The following THSD7B variants were observed in gnomAD, a reference collection of about 807,000 sequenced individuals.
THSD7B encodes the protein thrombospondin type 1 domain containing 7B.
Under a neutral mutation model 213.6 loss-of-function variants are expected in THSD7B, and 138 were observed. That is an observed-to-expected ratio of 0.65 (90% CI 0.56 to 0.74). THSD7B has a LOEUF of 0.74. THSD7B is among the 30% of genes least tolerant of loss of function. The pLI, the probability that THSD7B is intolerant of heterozygous loss-of-function variation, is 0.00. For synonymous variants in THSD7B, 742 were observed against 687.0 expected (o/e 1.08, Z -1.25); for missense variants, 1,931 against 1,991.5 (o/e 0.97, Z 0.58).
chr2:137,349,415 A>G lies in THSD7B; in HGVS notation c.2501-56198A>G, dbSNP rs536665115. On this transcript the variant is annotated intron_variant, in intron 12 of 27. Transcript: ENST00000409968. ...AAACAGTACCCCAATGCTGTTTATA[A>G]GAATCATGTCTGGCATATGCAAAGT... Among the ~76,000 whole-genome samples, 88 of 151,970 alleles carry G rather than the reference A, an allele frequency of 5.8e-4. 1 individual carries two copies. Among genetic ancestry groups the G allele is most frequent in the African/African-American group, 2.0e-3 (84 of 41,526 alleles).
At chr2:137,571,120 A>T (rs77798968) in intron 16 of THSD7B, among the ~76,000 whole-genome samples, 1,856 of 152,262 alleles carry the variant, frequency 0.012, 49 homozygotes, top group African/African-American at 0.041. Flanking sequence ...CCTATCAGTC[A>T]CTAACCATTT....
At chr2:136,830,121 C>G (rs972117275) in intron 1 of THSD7B, among the ~76,000 whole-genome samples, 1 of 151,142 alleles carries the variant, frequency 6.6e-6, no homozygotes, top group Non-Finnish European at 1.5e-5. Context: ...TATGCCTGTG[C>G]GCGCACACAC....
chr2:137,312,569 T>G (rs1683945423), intron 12 of THSD7B, among the ~76,000 whole-genome samples: 1 of 151,780 alleles, frequency 6.6e-6, no homozygotes, highest in Non-Finnish European at 1.5e-5. Context: ...TGTTTGCCCT[T>G]GCTTTTCTAG....
chr2:136,803,982 G>A (rs937631807), intron 1 of THSD7B, among the ~76,000 whole-genome samples: 2 of 152,218 alleles, frequency 1.3e-5, no homozygotes, highest in South Asian at 2.1e-4. Flanking sequence ...ACTTTACTTA[G>A]TTCATCAATT....
intron 2 of THSD7B, among the ~76,000 whole-genome samples, chr2:136,955,620 G>A (rs538499933): frequency 2.0e-4 from 31 of 152,176 alleles, no homozygotes; most frequent in South Asian, 1.2e-3. Flanking sequence ...ATTTTAATCC[G>A]ATCTCTCAGA....
intron 12 of THSD7B, among the ~76,000 whole-genome samples, chr2:137,286,614 A>T (rs1451791044): frequency 6.6e-6 from 1 of 152,128 alleles, no homozygotes; most frequent in Admixed American, 6.5e-5. Context: ...TTCATTCAGA[A>T]AGCAAAGCAC....
At chr2:136,773,290 A>T (rs1265362242) in intron 1 of THSD7B, among the ~76,000 whole-genome samples, 1 of 152,116 alleles carries the variant, frequency 6.6e-6, no homozygotes, top group Admixed American at 6.6e-5. Context: ...GGTTGATTGT[A>T]TTATTATTAT....
intron 2 of THSD7B, among the ~76,000 whole-genome samples, chr2:137,018,589 A>G (rs1686385912): frequency 6.6e-6 from 1 of 152,200 alleles, no homozygotes; most frequent in Non-Finnish European, 1.5e-5. Context: ...ACTTATAAAT[A>G]CAGAGTATAA....
At chr2:137,159,221 C>T (rs1679964721) in intron 5 of THSD7B, among the ~76,000 whole-genome samples, 1 of 151,994 alleles carries the variant, frequency 6.6e-6, no homozygotes, top group South Asian at 2.1e-4. Flanking sequence ...TGCTTGAGCC[C>T]AGGGGTCTCA....
intron 2 of THSD7B, among the ~76,000 whole-genome samples, chr2:136,986,952 A>C (rs960814232): frequency 6.6e-6 from 1 of 152,242 alleles, no homozygotes; most frequent in Non-Finnish European, 1.5e-5. Context: ...GTGCCGTCCC[A>C]GAGTCCAGAG....
intron 14 of THSD7B, among the ~76,000 whole-genome samples, chr2:137,443,763 T>A (rs1687469536): frequency 6.6e-6 from 1 of 152,126 alleles, no homozygotes; most frequent in African/African-American, 2.4e-5. Flanking sequence ...TAGTGAATTA[T>A]ATTTTAATTA....
At chr2:137,093,265 C>CTAT (rs1405342936) in intron 3 of THSD7B, among the ~76,000 whole-genome samples, 12 of 137,390 alleles carry the variant, frequency 8.7e-5, no homozygotes, top group African/African-American at 2.0e-4. Context: ...CTTGTATCTA[C>CTAT]GTTCCTCCTC....
chr2:137,368,713 G>A (rs1558772786), intron 12 of THSD7B, among the ~76,000 whole-genome samples: 1 of 152,048 alleles, frequency 6.6e-6, no homozygotes, highest in Non-Finnish European at 1.5e-5. Context: ...ACTTGAAAAG[G>A]AAACTAATTT....
chr2:137,473,775 C>A (rs976311048), intron 15 of THSD7B, among the ~76,000 whole-genome samples: 1 of 152,152 alleles, frequency 6.6e-6, no homozygotes, highest in African/African-American at 2.4e-5. Context: ...TTTTAAAAAG[C>A]AAAGACATCT....
At chr2:136,867,606 G>A (rs1217128379) in intron 1 of THSD7B, among the ~76,000 whole-genome samples, 3 of 152,172 alleles carry the variant, frequency 2.0e-5, no homozygotes, top group Non-Finnish European at 4.4e-5. Context: ...CTATCCTATT[G>A]CTGTTTAATT....
At chr2:137,647,670 G>T (rs1683062030) in intron 21 of THSD7B, among the ~76,000 whole-genome samples, 1 of 151,990 alleles carries the variant, frequency 6.6e-6, no homozygotes, top group Non-Finnish European at 1.5e-5. Flanking sequence ...ATAAGAACTG[G>T]ATCCTAGGAG....
chr2:137,673,703 G>A (rs932147850), intron 27 of THSD7B, among the ~76,000 whole-genome samples: 1 of 152,178 alleles, frequency 6.6e-6, no homozygotes, highest in Non-Finnish European at 1.5e-5. Flanking sequence ...TCCTCCTCCT[G>A]AGGTTCTTTT....
At chr2:137,200,301 C>A (rs1680849439) in intron 7 of THSD7B, among the ~76,000 whole-genome samples, 1 of 152,060 alleles carries the variant, frequency 6.6e-6, no homozygotes, top group South Asian at 2.1e-4. Context: ...TGAAAGAAAT[C>A]AGTTTAGATT....
chr2:136,792,180 G>T (rs1213344695), intron 1 of THSD7B, among the ~76,000 whole-genome samples: 1 of 151,986 alleles, frequency 6.6e-6, no homozygotes, highest in East Asian at 1.9e-4. Context: ...CAATCCAAGG[G>T]TTAGAAGACT....
Sources: gnomAD v4.1 joint callset for allele counts (sites outside exome capture counted in the v4.1 genomes callset) on GRCh38, gnomAD v4.1.1 for gene constraint, MANE v1.5 for transcripts, NCBI Gene and HGNC (gene_info 2026-07-23, HGNC 2026-07-21) for gene names.